The following ITPKB variants were observed in gnomAD, a reference collection of about 807,000 sequenced individuals.
ITPKB encodes the protein IP3 3-kinase B.
ITPKB carries 13 observed loss-of-function variants against 69.4 expected under a neutral mutation model. The ratio of observed to expected loss-of-function variants is 0.19; its 90% CI spans 0.12 to 0.30. The LOEUF is 0.30. ITPKB is among the 10% of genes least tolerant of loss of function. The probability of loss-of-function intolerance (pLI) is 1.00; values close to 1 mark genes in which losing one functional copy is unlikely to be tolerated. For missense variants in ITPKB, 1,240 were observed against 1,250.5 expected (o/e 0.99, Z 0.13); for synonymous variants, 584 against 513.7 (o/e 1.14, Z -1.85).
chr1:226,716,449 G>A (rs1014647714), intron 2 of ITPKB, among the ~76,000 whole-genome samples: 1 of 151,990 alleles, frequency 6.6e-6, no homozygotes, highest in Admixed American at 6.6e-5. Context: ...TAAATATGCA[G>A]GATGTGCAGT....
At chr1:226,701,953 C>T (rs1275565174) in intron 2 of ITPKB, among the ~76,000 whole-genome samples, 1 of 152,206 alleles carries the variant, frequency 6.6e-6, no homozygotes. Flanking sequence ...CTCCCTCCTC[C>T]TTCCTCCCCT....
At chr1:226,712,377 G>GT (rs1358974590) in intron 2 of ITPKB, among the ~76,000 whole-genome samples, 1 of 152,234 alleles carries the variant, frequency 6.6e-6, no homozygotes, top group African/African-American at 2.4e-5. Context: ...TACGTGAAGG[G>GT]TAAGTGGGTG....
At chr1:226,711,417 G>C (rs1338545620) in intron 2 of ITPKB, among the ~76,000 whole-genome samples, 3 of 112,516 alleles carry the variant, frequency 2.7e-5, no homozygotes, top group Admixed American at 8.7e-5. Flanking sequence ...GAGAGAGAGA[G>C]AGAGAGAGAG....
intron 2 of ITPKB, among the ~76,000 whole-genome samples, chr1:226,723,605 A>G (rs1015897267): frequency 6.6e-6 from 1 of 152,050 alleles, no homozygotes; most frequent in African/African-American, 2.4e-5. Flanking sequence ...ATATATGTAT[A>G]TATTTCATTG....
chr1:226,687,895 T>C (rs1656251781), intron 2 of ITPKB, among the ~76,000 whole-genome samples: 1 of 152,174 alleles, frequency 6.6e-6, no homozygotes. Flanking sequence ...GCTCACCAAC[T>C]TCCCCAGGTG....
intron 6 of ITPKB, among the ~76,000 whole-genome samples, chr1:226,639,354 G>A (rs371874617): frequency 3.3e-5 from 5 of 152,168 alleles, no homozygotes; most frequent in African/African-American, 9.7e-5. Flanking sequence ...CACTGTGCCC[G>A]GCGTGCCTTT....
In ITPKB at chr1:226,729,878, A is replaced by T. The variant is rs545654132; in HGVS notation, c.1932+5649T>A. 2.6e-5 allele frequency among the ~76,000 whole-genome samples: 4 copies of T among 152,296 alleles called. No individual in the cohort carries two copies. In the East Asian group the frequency reaches 7.7e-4, roughly 29 times the overall value. On this transcript the variant is annotated intron_variant, in intron 2 of 7. Coordinates refer to ENST00000429204, the MANE Select transcript of ITPKB (RefSeq NM_002221.4). ...CCAAAGTGCTGGGATTACAGGCATGAACCACCACACCTGGCCTAGTTTTTG... is the reference window on the plus strand; with the variant it reads ...CCAAAGTGCTGGGATTACAGGCATGTACCACCACACCTGGCCTAGTTTTTG...
intron 4 of ITPKB, among the ~76,000 whole-genome samples, chr1:226,644,244 C>T (rs775324208): frequency 6.6e-6 from 1 of 152,162 alleles, no homozygotes; most frequent in African/African-American, 2.4e-5. Context: ...GATGGTGGGG[C>T]GGGATGCCCA....
intron 2 of ITPKB, among the ~76,000 whole-genome samples, chr1:226,682,728 G>C (rs1458932848): frequency 6.6e-6 from 1 of 152,222 alleles, no homozygotes; most frequent in Non-Finnish European, 1.5e-5. Flanking sequence ...TAGTGAATGA[G>C]ATTCAGACTT....
intron 2 of ITPKB, among the ~76,000 whole-genome samples, chr1:226,729,354 C>T (rs528087064): frequency 9.4e-4 from 142 of 151,566 alleles, no homozygotes; most frequent in African/African-American, 3.3e-3. Flanking sequence ...TGGTGGCATG[C>T]GCCTGTAGTC....
chr1:226,673,123 A>G (rs1364872606), intron 2 of ITPKB, among the ~76,000 whole-genome samples: 1 of 152,206 alleles, frequency 6.6e-6, no homozygotes, highest in East Asian at 1.9e-4. Flanking sequence ...TGTAATCCCA[A>G]CACTTTGGGA....
In ITPKB at chr1:226,654,026, A is replaced by G. The variant is rs1571841823; in HGVS notation, c.1933-5255T>C. ...GAAGCGCAGGGAAAGATGGAGCTTCAATTCACTCAGAGAAATGTGGAAAGA... is the reference window on the plus strand; with the variant it reads ...GAAGCGCAGGGAAAGATGGAGCTTCGATTCACTCAGAGAAATGTGGAAAGA... On this transcript the variant is annotated intron_variant, in intron 2 of 7. Transcript: ENST00000429204. Among the ~76,000 whole-genome samples, 6 of 152,266 alleles carry G rather than the reference A, an allele frequency of 3.9e-5. 1 individual carries two copies. The highest frequency in any genetic ancestry group is 3.9e-4 in the Admixed American group (6 of 15,302).
chr1:226,655,997 T>C (rs1304278965), intron 2 of ITPKB, among the ~76,000 whole-genome samples: 9 of 152,162 alleles, frequency 5.9e-5, no homozygotes, highest in Non-Finnish European at 1.3e-4. Flanking sequence ...CACACACCTG[T>C]CCCCACGCCA....
At chr1:226,718,020 C>A (rs542784041) in intron 2 of ITPKB, among the ~76,000 whole-genome samples, 2 of 152,166 alleles carry the variant, frequency 1.3e-5, no homozygotes, top group Non-Finnish European at 2.9e-5. Flanking sequence ...GTTGGCCGGG[C>A]GTGGTAGCTC....
chr1:226,736,582 A>C lies in ITPKB; in HGVS notation c.877T>G (p.Leu293Val), dbSNP rs201331239. The C allele has an allele frequency of 5.0e-6, 8 of 1,613,778 alleles. No homozygotes were observed. The highest frequency in any genetic ancestry group is 6.8e-6 in the Non-Finnish European group (8 of 1,180,012). ...GTTAAGCTAGCTCCGAACAGCCCCA[A>C]TGAGGGAGCTAGGCAGCTCCGAGTT... ...PGTRSCLAPSLGLFGASLTMA... is the reference protein window; with the variant it reads ...PGTRSCLAPSVGLFGASLTMA... Residue 293 changes from leucine (L) to valine (V), a missense_variant, in exon 2 of 8, where the codon TTG becomes GTG. Physicochemically the swap from Leu to Val is conservative, Grantham distance 32. Coordinates refer to ENST00000429204, the MANE Select transcript of ITPKB (RefSeq NM_002221.4).
chr1:226,684,067 T>C (rs965773323), intron 2 of ITPKB, among the ~76,000 whole-genome samples: 10 of 152,100 alleles, frequency 6.6e-5, no homozygotes, highest in South Asian at 2.1e-4. Flanking sequence ...AAAGAGTAAA[T>C]GAACTTCCGT....
chr1:226,727,342 T>G (rs1657456717), intron 2 of ITPKB, among the ~76,000 whole-genome samples: 1 of 152,110 alleles, frequency 6.6e-6, no homozygotes, highest in African/African-American at 2.4e-5. Context: ...CCGGAAAGAA[T>G]GTCAGTGAAA....
chr1:226,738,719 G>A lies in ITPKB; in HGVS notation c.-206+322C>T, dbSNP rs760723949. 1.3e-5 allele frequency among the ~76,000 whole-genome samples: 2 copies of A among 152,182 alleles called. No individual in the cohort carries two copies. The highest frequency in any genetic ancestry group is 2.4e-5 in the African/African-American group (1 of 41,454). The stretch of plus-strand genomic sequence containing the variant: ...GCGCCGCGGAGCGCAGGGCTTCTCC[G>A]CATCCCGGGCAGCCTCGCCCGGCGC... On this transcript the variant is annotated intron_variant, in intron 1 of 7. Transcript: ENST00000429204. This position sits in a 1 kb window ranked among gnomAD's most constrained non-coding sequence, Gnocchi z 4.2.
chr1:226,701,465 G>A (rs919729075), intron 2 of ITPKB, among the ~76,000 whole-genome samples: 1 of 151,372 alleles, frequency 6.6e-6, no homozygotes, highest in Admixed American at 6.6e-5. Flanking sequence ...TTAGCCGGGC[G>A]TGGTGGTGGG....
Sources: allele counts gnomAD v4.1 joint callset (sites outside exome capture counted in the v4.1 genomes callset), GRCh38; gene constraint gnomAD v4.1.1; non-coding constraint Gnocchi (gnomAD v3.1); transcripts MANE v1.5; gene names NCBI Gene and HGNC (gene_info 2026-07-23, HGNC 2026-07-21).